Variants in CCDC12 observed in about 807,000 individuals in gnomAD.
The protein encoded by CCDC12 is coiled-coil domain containing 12.
Under a neutral mutation model 25.7 loss-of-function variants are expected in CCDC12, and 28 were observed. The ratio of observed to expected loss-of-function variants is 1.09; its 90% confidence interval spans 0.81 to 1.50. The LOEUF (loss-of-function observed/expected upper bound fraction) is 1.50. Among genes scored for constraint, CCDC12 ranks in the 40% most tolerant of loss-of-function variants. The pLI is 0.00. For missense variants in CCDC12, 198 were observed against 210.0 expected (o/e 0.94, Z 0.35); for synonymous variants, 75 against 87.7 (o/e 0.86, Z 0.81).
chr3:46,938,420 AG>A (rs1379133829), intron 2 of CCDC12, among the ~76,000 whole-genome samples: 17 of 152,164 alleles, frequency 1.1e-4, no homozygotes, highest in Admixed American at 5.9e-4. Context: ...TCAGGCACAC[AG>A]AAAAGTCCGG....
intron 2 of CCDC12, among the ~76,000 whole-genome samples, chr3:46,929,792 C>T (rs181903795): frequency 8.6e-5 from 13 of 151,656 alleles, no homozygotes; most frequent in African/African-American, 2.7e-4. Flanking sequence ...TTTGGGAGGC[C>T]GAGGCGGGTG....
chr3:46,976,190 G>T, intron 1 of CCDC12: 1 of 436,976 alleles, frequency 2.3e-6, no homozygotes, highest in Non-Finnish European at 3.1e-6. Flanking sequence ...TATACCCACT[G>T]CTGTCACTTG....
At chr3:46,970,949 C>T (rs2034786213) in intron 1 of CCDC12, among the ~76,000 whole-genome samples, 1 of 152,170 alleles carries the variant, frequency 6.6e-6, no homozygotes, top group Non-Finnish European at 1.5e-5. Flanking sequence ...AGGCTGGCTA[C>T]CATCCCTGCT....
In CCDC12 at chr3:46,976,661, G is replaced by A; in HGVS notation, c.72C>T (p.Ala24=). 2 of 1,611,192 alleles carry A rather than the reference G, an allele frequency of 1.2e-6. No homozygotes were observed. The highest frequency in any genetic ancestry group is 8.5e-7 in the Non-Finnish European group (1 of 1,178,722). ...EALRRKERLK[A]LREKTGRKDK... Reference sequence around the variant, plus strand: ...CCTTGCGCCCGGTTTTCTCCCGTAGGGCCTTCAGCCGTTCCTTTCGCCGCA... The same window carrying A: ...CCTTGCGCCCGGTTTTCTCCCGTAGAGCCTTCAGCCGTTCCTTTCGCCGCA... Residue 24 remains alanine (A), a synonymous_variant, in exon 1 of 7, where the codon GCC becomes GCT. Transcript: ENST00000683445.
intron 1 of CCDC12, among the ~76,000 whole-genome samples, chr3:46,942,085 G>A (rs1226987249): frequency 1.3e-5 from 2 of 152,180 alleles, no homozygotes; most frequent in African/African-American, 4.8e-5. Context: ...CTTGTTCTCA[G>A]GTGCACTGGG....
rs562911965 is a variant in CCDC12, at chr3:46,943,722, C to T, written c.97-2657G>A. Among the ~76,000 whole-genome samples, 8 of 152,284 alleles carry T rather than the reference C, an allele frequency of 5.3e-5. No homozygotes were observed. The South Asian group carries it at 1.7e-3, about 32-fold the overall frequency. On this transcript the variant is annotated intron_variant, in intron 1 of 6. Coordinates refer to ENST00000683445, the MANE Select transcript of CCDC12 (RefSeq NM_001277074.2). Reference sequence around the variant, plus strand: ...ATTCATTAATAAATGAGAAAACACCCAACTATCTAAATGACTTTTAAAAAT... The same window carrying T: ...ATTCATTAATAAATGAGAAAACACCTAACTATCTAAATGACTTTTAAAAAT...
At chr3:46,965,668 G>A (rs1296984998) in intron 1 of CCDC12, among the ~76,000 whole-genome samples, 2 of 152,210 alleles carry the variant, frequency 1.3e-5, no homozygotes, top group African/African-American at 4.8e-5. Flanking sequence ...CCCAGAGGAA[G>A]AGCACCCCCA....
intron 1 of CCDC12, among the ~76,000 whole-genome samples, chr3:46,970,552 G>A (rs1005018437): frequency 3.3e-5 from 5 of 152,202 alleles, no homozygotes; most frequent in Non-Finnish European, 7.3e-5. Context: ...CTAATCTCTA[G>A]AGCCAGGTGA....
chr3:46,981,899 T>G (rs960930867), intron 1 of CCDC12: 3 of 152,260 alleles, frequency 2.0e-5, no homozygotes, highest in African/African-American at 7.2e-5. Context: ...GGCTCATATC[T>G]GTGCTGAGCC....
At position 46,976,270 on chromosome 3, in the gene CCDC12, G is replaced by A. The variant is rs574802636; in HGVS notation, c.96+367C>T. On this transcript the variant is annotated intron_variant, in intron 1 of 6. Coordinates refer to ENST00000683445, the MANE Select transcript of CCDC12 (RefSeq NM_001277074.2). ...CTCAGAATCGAAGGCGGGGGTTAAA[G>A]ACCAGCTAGGCCATAGAGGAACGGA... 8.5e-5 allele frequency: 91 copies of A among 1,065,702 alleles called. 2 individuals carry two copies. The South Asian group carries it at 2.5e-3, about 29-fold the overall frequency. 66.0% of individuals were successfully genotyped at this position (1,065,702 alleles called of 1,614,324 possible).
intron 1 of CCDC12, among the ~76,000 whole-genome samples, chr3:46,955,944 G>A (rs77438781): frequency 8.5e-4 from 129 of 152,284 alleles, no homozygotes; most frequent in African/African-American, 2.8e-3. Flanking sequence ...CCAATACCCC[G>A]GAATCAGGTA....
At chr3:46,972,785 AAG>A (rs751374011) in intron 1 of CCDC12, among the ~76,000 whole-genome samples, 240 of 130,850 alleles carry the variant, frequency 1.8e-3, no homozygotes, top group Non-Finnish European at 3.7e-3. Flanking sequence ...AAAAAAAAAA[AAG>A]AAAGAAAGAA....
intron 1 of CCDC12, among the ~76,000 whole-genome samples, chr3:46,967,165 C>T (rs1343703964): frequency 6.6e-6 from 1 of 152,158 alleles, no homozygotes; most frequent in African/African-American, 2.4e-5. Context: ...CAAAGCCAGA[C>T]TCTTGCCTTC....
intron 1 of CCDC12, among the ~76,000 whole-genome samples, chr3:46,973,042 T>C (rs1282890246): frequency 6.6e-6 from 1 of 150,748 alleles, no homozygotes; most frequent in African/African-American, 2.4e-5. Context: ...TCTCCTCACC[T>C]GACATCACCC....
In CCDC12 at chr3:46,976,716, G is replaced by C. The variant is rs765891539; in HGVS notation, c.17C>G (p.Ala6Gly). MEATT[A>G]GVGRLEEEAL... ...CTCTTCCTCTAGCCGGCCCACACCA[G>C]CCGTAGTTGCCTCCATCTTGCCCGC... Residue 6 changes from alanine to glycine, a missense_variant, in exon 1 of 7, where the codon GCT becomes GGT. Ala to Gly is a moderately conservative substitution (Grantham distance 60). Coordinates refer to ENST00000683445, the MANE Select transcript of CCDC12 (RefSeq NM_001277074.2). 3 of 1,608,384 alleles carry C rather than the reference G, an allele frequency of 1.9e-6. No individual in the cohort carries two copies. The highest frequency in any genetic ancestry group is 2.5e-6 in the Non-Finnish European group (3 of 1,177,494).
chr3:46,939,006 G>T (rs779114218), intron 2 of CCDC12, among the ~76,000 whole-genome samples: 1 of 152,050 alleles, frequency 6.6e-6, no homozygotes, highest in Admixed American at 6.5e-5. Flanking sequence ...TGTATCACAC[G>T]CCTGCTTCTT....
At chr3:46,965,195 C>G (rs2034603683) in intron 1 of CCDC12, among the ~76,000 whole-genome samples, 1 of 152,142 alleles carries the variant, frequency 6.6e-6, no homozygotes, top group South Asian at 2.1e-4. Flanking sequence ...TCTTTTGTTG[C>G]AAAAGCTAAC....
intron 1 of CCDC12, among the ~76,000 whole-genome samples, chr3:46,961,505 C>A (rs1179026838): frequency 1.3e-5 from 2 of 152,200 alleles, no homozygotes; most frequent in African/African-American, 2.4e-5. Flanking sequence ...GAGGGCCTGG[C>A]TCAGCAGGTC....
At chr3:46,930,920 T>C (rs1488948316) in intron 2 of CCDC12, among the ~76,000 whole-genome samples, 1 of 152,164 alleles carries the variant, frequency 6.6e-6, no homozygotes, top group East Asian at 1.9e-4. Flanking sequence ...CATGTCTGTC[T>C]TTCACAGCCT....
Sources: gnomAD v4.1 joint callset for allele counts (sites outside exome capture counted in the v4.1 genomes callset) on GRCh38, gnomAD v4.1.1 for gene constraint, MANE v1.5 for transcripts, NCBI Gene and HGNC (gene_info 2026-07-23, HGNC 2026-07-21) for gene names.